RELL1: variants seen among roughly 807,000 people sequenced by gnomAD.
The protein encoded by RELL1 is RELT-like protein 1.
In RELL1, 10 loss-of-function variants were observed where a neutral mutation model predicts 23.0. The observed-to-expected ratio is 0.43, with a 90% CI of 0.27 to 0.74. RELL1 has a LOEUF of 0.74. Ranked by LOEUF, RELL1 falls within the 30% of genes least tolerant of loss-of-function variation. The pLI, the probability that RELL1 is intolerant of heterozygous loss-of-function variation, is 0.19. For missense variants in RELL1, 315 were observed against 364.4 expected (o/e 0.86, Z 1.10); for synonymous variants, 146 against 146.8 (o/e 0.99, Z 0.04).
intron 1 of RELL1, among the ~76,000 whole-genome samples, chr4:37,659,741 T>A (rs769230704): frequency 2.6e-5 from 4 of 151,964 alleles, no homozygotes; most frequent in African/African-American, 9.7e-5. Flanking sequence ...CCTCATTCAC[T>A]CTGGGCTGAC....
At chr4:37,623,757 A>G (rs1413168121) in intron 6 of RELL1, among the ~76,000 whole-genome samples, 1 of 152,118 alleles carries the variant, frequency 6.6e-6, no homozygotes, top group Non-Finnish European at 1.5e-5. Flanking sequence ...GTGTTTAGCA[A>G]CTGAAAACCA....
intron 1 of RELL1, among the ~76,000 whole-genome samples, chr4:37,658,543 G>A (rs148017199): frequency 2.0e-5 from 3 of 152,212 alleles, no homozygotes; most frequent in African/African-American, 7.2e-5. Context: ...GAAAGGTCAG[G>A]CAATATTCCC....
rs1560323752 is a variant in RELL1, at chr4:37,604,838, CAG to C, written c.*4-13623_*4-13622del. On this transcript the variant is annotated intron_variant, in intron 6 of 6. Transcript: ENST00000314117. ...ACACACACAGACACACACATACACA[CAG>C]ACACACACACAGACACACACACACA... 8.6e-3 allele frequency among the ~76,000 whole-genome samples: 658 copies of C among 76,122 alleles called. 14 individuals carry two copies. Among genetic ancestry groups the C allele is most frequent in the African/African-American group, 0.028 (520 of 18,276 alleles). 49.9% of individuals were successfully genotyped at this position (76,122 alleles called of 152,430 possible). A position where few individuals can be genotyped will look rare whatever the true frequency, so the allele number is the denominator to read the frequency against.
intron 6 of RELL1, among the ~76,000 whole-genome samples, chr4:37,603,213 G>A (rs1010404880): frequency 6.6e-6 from 1 of 152,178 alleles, no homozygotes; most frequent in Non-Finnish European, 1.5e-5. Context: ...CCAGCTCTGT[G>A]GGAGGACCTG....
Position 37,686,258 on chromosome 4 carries a change from G to A in RELL1, c.30C>T (p.Ala10=), listed in dbSNP as rs745647558. The change falls in exon 1 of 7, where the codon GCC becomes GCT. Residue 10 remains alanine, a synonymous_variant. Coordinates refer to ENST00000454158, the MANE Select transcript of RELL1 (RefSeq NM_001085400.2). The stretch of plus-strand genomic sequence containing the variant: ...CCACGAAGACAGCAGCGGCTAGGAC[G>A]GCGGACCCCGGGAGTGCCCGCGGAG... MAPRALPGS[A]VLAAAVFVGG... is the part of the protein sequence containing the mutation. 9.6e-6 allele frequency: 15 copies of A among 1,565,670 alleles called. No homozygotes were observed. In the Admixed American group the frequency reaches 1.9e-4, roughly 20 times the overall value.
downstream of RELL1, chr4:37,588,227 A>ATT (rs1279554929): frequency 6.6e-6 from 1 of 152,346 alleles, no homozygotes; most frequent in African/African-American, 2.4e-5. Context: ...TTTGAGCTGC[A>ATT]AAAGAACAGG....
intron 6 of RELL1, among the ~76,000 whole-genome samples, chr4:37,628,034 G>A (rs1050068790): frequency 6.6e-6 from 1 of 152,024 alleles, no homozygotes; most frequent in African/African-American, 2.4e-5. Context: ...CTTTTTTTGG[G>A]GGGATGAGAT....
downstream of RELL1, among the ~76,000 whole-genome samples, chr4:37,608,444 C>A (rs35844096): frequency 6.6e-6 from 1 of 152,114 alleles, no homozygotes; most frequent in South Asian, 2.1e-4. Context: ...ATTGCTGATA[C>A]GGAGACAGAT....
intron 1 of RELL1, among the ~76,000 whole-genome samples, chr4:37,678,991 G>A (rs1462594500): frequency 6.6e-6 from 1 of 152,138 alleles, no homozygotes; most frequent in Admixed American, 6.5e-5. Context: ...TGAGATCCTG[G>A]GACAGTGCTA....
At chr4:37,603,501 T>C (rs1719071585) in intron 6 of RELL1, among the ~76,000 whole-genome samples, 1 of 152,158 alleles carries the variant, frequency 6.6e-6, no homozygotes, top group Non-Finnish European at 1.5e-5. Context: ...TAGTCCTCTT[T>C]GACCACACAA....
intron 3 of RELL1, among the ~76,000 whole-genome samples, chr4:37,639,532 A>G (rs1049133795): frequency 4.0e-5 from 6 of 151,602 alleles, no homozygotes; most frequent in African/African-American, 1.5e-4. Flanking sequence ...AAAAAAAAAA[A>G]CCTAATCTAA....
At position 37,669,895 on chromosome 4, in the gene RELL1, C is replaced by T. The variant is rs552671329; in HGVS notation, c.88+16305G>A. Among the ~76,000 whole-genome samples, 577 of 151,624 alleles carry T rather than the reference C, an allele frequency of 3.8e-3. 5 individuals are homozygous for T. Among genetic ancestry groups the T allele is most frequent in the African/African-American group, 0.014 (561 of 41,290 alleles). ...AATCTCAAGTACCCAGGGACACAAA[C>T]AATGCGGAAGGCCGCAGGGTCCTCT... On this transcript the variant is annotated intron_variant, in intron 1 of 6. Transcript: ENST00000454158.
chr4:37,603,238 A>C (rs546297023), intron 6 of RELL1, among the ~76,000 whole-genome samples: 213 of 152,298 alleles, frequency 1.4e-3, no homozygotes, highest in African/African-American at 4.9e-3. Context: ...GCTGGACACC[A>C]GCTGAACCGC....
chr4:37,670,552 A>AT (rs1262601143), intron 1 of RELL1, among the ~76,000 whole-genome samples: 1 of 151,294 alleles, frequency 6.6e-6, no homozygotes. Flanking sequence ...CAGCCTGATA[A>AT]TTTTTTTTCT....
rs1220164473 is a variant in RELL1 at position 37,669,190 on chromosome 4, G to T, written c.88+17010C>A. 8.3e-4 allele frequency among the ~76,000 whole-genome samples: 108 copies of T among 130,840 alleles called. 10 individuals carry two copies. The highest frequency in any genetic ancestry group is 3.1e-3 in the African/African-American group (91 of 29,712). The allele number at this position is 130,840 out of a possible 152,430, so 85.8% of individuals were successfully genotyped here. On this transcript the variant is annotated intron_variant, in intron 1 of 6. Transcript: ENST00000454158. ...CCGTCCGGGAGGGAGGTGGGGGGGGGGGTCAGCCCCCTGCCTGGCCAGCCG... is the reference window on the plus strand; with the variant it reads ...CCGTCCGGGAGGGAGGTGGGGGGGGTGGTCAGCCCCCTGCCTGGCCAGCCG...
At chr4:37,593,089 A>G (rs1377769093) in intron 6 of RELL1, among the ~76,000 whole-genome samples, 1 of 152,240 alleles carries the variant, frequency 6.6e-6, no homozygotes, top group Admixed American at 6.5e-5. Flanking sequence ...GAGCCCTTAA[A>G]AAGATAAAGT....
At chr4:37,594,077 A>T (rs1285826118) in intron 6 of RELL1, among the ~76,000 whole-genome samples, 1 of 152,226 alleles carries the variant, frequency 6.6e-6, no homozygotes, top group African/African-American at 2.4e-5. Flanking sequence ...TCTTTTATGA[A>T]TAACTGCTTT....
chr4:37,622,971 A>C (rs1358305058), intron 6 of RELL1: 1 of 370,916 alleles, frequency 2.7e-6, no homozygotes, highest in Non-Finnish European at 5.2e-6. Flanking sequence ...TGCCTACCTA[A>C]TTTTTGTATT....
downstream of RELL1, among the ~76,000 whole-genome samples, chr4:37,610,545 T>TAAA (rs1719341688): frequency 1.3e-5 from 2 of 152,124 alleles, no homozygotes; most frequent in Admixed American, 1.3e-4. This position sits in a 1 kb window ranked among gnomAD's most constrained non-coding sequence, Gnocchi z 4.1. Flanking sequence ...TTCAGCACTG[T>TAAA]AAAAAATTAA....
Sources: allele counts gnomAD v4.1 joint callset (sites outside exome capture counted in the v4.1 genomes callset), GRCh38; gene constraint gnomAD v4.1.1; non-coding constraint Gnocchi (gnomAD v3.1); transcripts MANE v1.5; gene names NCBI Gene and HGNC (gene_info 2026-07-23, HGNC 2026-07-21).